The following EYA4 variants were observed in gnomAD, a reference collection of about 807,000 sequenced individuals.
The protein encoded by EYA4 is protein phosphatase EYA4.
Under a neutral mutation model 87.9 loss-of-function variants are expected in EYA4, and 31 were observed. The observed-to-expected ratio is 0.35, with a 90% CI of 0.27 to 0.48. The LOEUF is 0.48. Among genes scored for constraint, EYA4 ranks in the 20% least tolerant of loss-of-function variants. The pLI is 0.99. For missense variants in EYA4, 678 were observed against 761.4 expected (o/e 0.89, Z 1.29); for synonymous variants, 263 against 270.6 (o/e 0.97, Z 0.28).
At chr6:133,500,306 G>A (rs1320288354) in intron 13 of EYA4, among the ~76,000 whole-genome samples, 1 of 152,064 alleles carries the variant, frequency 6.6e-6, no homozygotes, top group Non-Finnish European at 1.5e-5. Flanking sequence ...GGTGGAGTCT[G>A]AGAACTCCTG....
intron 2 of EYA4, among the ~76,000 whole-genome samples, chr6:133,370,032 C>A (rs1264050066): frequency 2.6e-5 from 4 of 152,196 alleles, no homozygotes; most frequent in African/African-American, 7.2e-5. Flanking sequence ...AGGTCTCCTC[C>A]TATTTAACCT....
Position 133,419,824 on chromosome 6 carries a change from T to C in EYA4, c.84-26806T>C, listed in dbSNP as rs1011211821. On this transcript the variant is annotated intron_variant, in intron 3 of 19. Transcript: ENST00000355286. The stretch of plus-strand genomic sequence containing the variant: ...AGAACACCCCCATGACTGCTTCATC[T>C]TGCATCTGTGGTGCCTAGCATGGCA... Among the ~76,000 whole-genome samples, 6 of 152,316 alleles carry C rather than the reference T, an allele frequency of 3.9e-5. No homozygotes were observed. In the East Asian group the frequency reaches 1.2e-3, roughly 29 times the overall value.
intron 2 of EYA4, among the ~76,000 whole-genome samples, chr6:133,291,387 CTGTT>C (rs1165742617): frequency 6.6e-6 from 1 of 152,102 alleles, no homozygotes; most frequent in East Asian, 1.9e-4. Context: ...AAAGAATTTT[CTGTT>C]TATTTCATAA....
intron 13 of EYA4, among the ~76,000 whole-genome samples, chr6:133,496,264 TG>T (rs1462695388): frequency 6.6e-6 from 1 of 152,240 alleles, no homozygotes; most frequent in Admixed American, 6.5e-5. Context: ...AAAATTATTA[TG>T]GGTCCTTAAT....
intron 11 of EYA4, among the ~76,000 whole-genome samples, chr6:133,474,302 G>T (rs1795534801): frequency 6.6e-6 from 1 of 152,004 alleles, no homozygotes; most frequent in Non-Finnish European, 1.5e-5. Flanking sequence ...TCACGAGAAA[G>T]CTTCTCTGCA....
intron 4 of EYA4, among the ~76,000 whole-genome samples, chr6:133,447,756 T>G (rs751067887): frequency 6.6e-6 from 1 of 152,200 alleles, no homozygotes; most frequent in Non-Finnish European, 1.5e-5. Flanking sequence ...GTTTATGATG[T>G]TTATTTGTCT....
chr6:133,525,035 C>A, intron 18 of EYA4, 119 bp from the exon 19 acceptor site: 2 of 1,613,436 alleles, frequency 1.2e-6, no homozygotes, highest in Non-Finnish European at 1.7e-6. Flanking sequence ...CTGTTTTGAG[C>A]GTATAGTGTC....
At chr6:133,281,675 T>C (rs140019018) in intron 2 of EYA4, among the ~76,000 whole-genome samples, 167 of 152,304 alleles carry the variant, frequency 1.1e-3, no homozygotes, top group African/African-American at 3.8e-3. Context: ...CATGGGTATA[T>C]TGTGTGACAC....
chr6:133,263,261 G>T lies in EYA4; in HGVS notation c.-65-11455G>T, dbSNP rs113656330. On this transcript the variant is annotated intron_variant, in intron 1 of 19. Transcript: ENST00000355286. The stretch of plus-strand genomic sequence containing the variant: ...AATATAAAGAAGATAATTGAAGGCC[G>T]TGAAGATAGCTCATGAAATGCAAGG... Among the ~76,000 whole-genome samples the T allele has an allele frequency of 5.3e-3, 800 of 152,318 alleles. 4 individuals carry two copies. The highest frequency in any genetic ancestry group is 0.01 in the Middle Eastern group (3 of 294).
intron 3 of EYA4, among the ~76,000 whole-genome samples, chr6:133,400,278 G>A (rs1788147136): frequency 6.6e-6 from 1 of 152,148 alleles, no homozygotes; most frequent in Non-Finnish European, 1.5e-5. Context: ...TGGAGGCCAA[G>A]GTGGGCGGAT....
intron 3 of EYA4, among the ~76,000 whole-genome samples, chr6:133,389,648 G>A (rs1208912438): frequency 6.6e-6 from 1 of 152,138 alleles, no homozygotes; most frequent in Non-Finnish European, 1.5e-5. Flanking sequence ...CTCCACTTGT[G>A]AAAAATTGTA....
chr6:133,403,742 A>G (rs771443980), intron 3 of EYA4, among the ~76,000 whole-genome samples: 1 of 152,324 alleles, frequency 6.6e-6, no homozygotes, highest in Non-Finnish European at 1.5e-5. Context: ...TAAGGAAGGA[A>G]GCCACTCTAC....
intron 10 of EYA4, among the ~76,000 whole-genome samples, chr6:133,467,043 A>G (rs964686707): frequency 3.9e-5 from 6 of 152,172 alleles, no homozygotes; most frequent in African/African-American, 1.4e-4. Context: ...AAAAATGAAT[A>G]CATTGCCTGC....
chr6:133,429,500 G>T (rs890354250), intron 3 of EYA4, among the ~76,000 whole-genome samples: 13 of 152,120 alleles, frequency 8.5e-5, no homozygotes, highest in African/African-American at 3.1e-4. Context: ...ACACACCATG[G>T]ATTCTAATTA....
chr6:133,490,029 G>T (rs1583439344), intron 13 of EYA4, among the ~76,000 whole-genome samples: 2 of 152,274 alleles, frequency 1.3e-5, no homozygotes, highest in East Asian at 3.9e-4. Flanking sequence ...GAGTCAAAGT[G>T]TAGAGTTTTT....
intron 19 of EYA4, among the ~76,000 whole-genome samples, chr6:133,526,985 T>A (rs1800692649): frequency 6.6e-6 from 1 of 152,204 alleles, no homozygotes; most frequent in Non-Finnish European, 1.5e-5. Flanking sequence ...CTTAGCCGAG[T>A]CTACCTGTTT....
intron 1 of EYA4, among the ~76,000 whole-genome samples, chr6:133,264,083 G>A (rs74790766): frequency 1.9e-4 from 29 of 152,334 alleles, no homozygotes; most frequent in African/African-American, 7.0e-4. Flanking sequence ...ACCCTCACAG[G>A]AGACTCATGT....
At chr6:133,512,651 T>C in intron 14 of EYA4, 70 bp from the exon 15 acceptor site, 1 of 1,199,472 alleles carries the variant, frequency 8.3e-7, no homozygotes, top group South Asian at 1.2e-5. Flanking sequence ...GATGAGAAGA[T>C]GGGAAAACCT....
chr6:133,493,536 G>A (rs1298062882), intron 13 of EYA4, among the ~76,000 whole-genome samples: 2 of 152,122 alleles, frequency 1.3e-5, no homozygotes, highest in African/African-American at 4.8e-5. Context: ...TTGGACTAGG[G>A]AAAGATTTCT....
Sources: gnomAD v4.1 joint callset for allele counts (sites outside exome capture counted in the v4.1 genomes callset) on GRCh38, gnomAD v4.1.1 for gene constraint, MANE v1.5 for transcripts, NCBI Gene and HGNC (gene_info 2026-07-23, HGNC 2026-07-21) for gene names.